The following CACYBP variants were observed in gnomAD, a reference collection of about 807,000 sequenced individuals.
The protein encoded by CACYBP is calcyclin-binding protein.
A neutral mutation model predicts 29.6 loss-of-function variants in CACYBP; 11 were observed. That is an observed-to-expected ratio of 0.37 (90% CI 0.23 to 0.61). The LOEUF (loss-of-function observed/expected upper bound fraction) is 0.61, where lower values mean the gene tolerates loss of function less well. Ranked by LOEUF, CACYBP falls within the 20% of genes least tolerant of loss-of-function variation. The pLI is 0.65. For missense variants in CACYBP, 163 were observed against 260.7 expected (o/e 0.63, Z 2.58); for synonymous variants, 73 against 88.3 (o/e 0.83, Z 0.97).
At position 175,010,362 on chromosome 1, in the gene CACYBP, A is replaced by G; in HGVS notation, c.*283A>G. The G allele has an allele frequency of 4.6e-6, 1 of 216,262 alleles. No individual in the cohort carries two copies. Among genetic ancestry groups the G allele is most frequent in the Non-Finnish European group, 9.0e-6 (1 of 110,550 alleles). The allele number at this position is 216,262 out of a possible 1,614,324, so 13.4% of individuals were successfully genotyped here. ...AAATATAAAAAGCAAGTCTTGCCCA[A>G]TAAAAACGCTACATTGTGTGTATTT... On this transcript the variant is annotated 3_prime_UTR_variant, in exon 6 of 6. Transcript: ENST00000367679.
At chr1:175,000,313 G>A (rs1038724538) in intron 1 of CACYBP, 118 bp downstream of exon 1, 10 of 1,496,940 alleles carry the variant, frequency 6.7e-6, no homozygotes, top group Middle Eastern at 1.7e-4. Context: ...TCCCGCGCCA[G>A]TCAGTGCGCC....
chr1:175,007,020 T>C (rs761697071), intron 3 of CACYBP, 78 bp from the exon 4 acceptor site: 142 of 1,078,404 alleles, frequency 1.3e-4, no homozygotes, highest in Non-Finnish European at 1.9e-4. Context: ...AGCCAGCAGC[T>C]TTTTTCCCAC....
intron 1 of CACYBP, among the ~76,000 whole-genome samples, chr1:175,003,636 AT>A (rs1461438920): frequency 6.6e-6 from 1 of 152,252 alleles, no homozygotes; most frequent in Admixed American, 6.5e-5. Flanking sequence ...AGCTTTTGAT[AT>A]CAAGCTGTGA....
At chr1:175,005,274 A>G (rs1361795765) in intron 2 of CACYBP, among the ~76,000 whole-genome samples, 1 of 152,218 alleles carries the variant, frequency 6.6e-6, no homozygotes, top group Non-Finnish European at 1.5e-5. Flanking sequence ...ACTAAGACCC[A>G]GTCCTTGCTC....
rs1183523069 is a variant in CACYBP at position 175,010,037 on chromosome 1, G to A, written c.645G>A (p.Val215=). 6 of 1,613,630 alleles carry A rather than the reference G, an allele frequency of 3.7e-6. No individual in the cohort carries two copies. The highest frequency in any genetic ancestry group is 1.7e-5 in the Admixed American group (1 of 59,974). Residue 215 remains valine, a synonymous_variant, in exon 6 of 6, where the codon GTG becomes GTA. Coordinates refer to ENST00000367679, the MANE Select transcript of CACYBP (RefSeq NM_014412.3). The part of the protein sequence containing the change: ...DMKRTINKAW[V]ESREKQAKGD... ...AGCGAACCATTAATAAAGCCTGGGT[G>A]GAATCAAGAGAGAAGCAAGCCAAAG...
At position 175,000,111 on chromosome 1, in the gene CACYBP, C is replaced by G; in HGVS notation, c.-70C>G. Reference sequence around the variant, plus strand: ...TAGGCGTCTGCGCTCGGTTTGAGGGCTCGGCGCGGGGTTTCCTGTTCCTCC... The same window carrying G: ...TAGGCGTCTGCGCTCGGTTTGAGGGGTCGGCGCGGGGTTTCCTGTTCCTCC... On this transcript the variant is annotated 5_prime_UTR_variant, in exon 1 of 6. Coordinates refer to ENST00000367679, the MANE Select transcript of CACYBP (RefSeq NM_014412.3). The G allele has an allele frequency of 6.4e-7, 1 of 1,559,470 alleles. No individual in the cohort carries two copies. The highest frequency in any genetic ancestry group is 1.2e-5 in the South Asian group (1 of 85,044).
At chr1:174,999,875 CCAGACTCGGCGGGGCGGGGA>C, upstream of CACYBP, 1 of 512,466 alleles carries the variant, frequency 2.0e-6, no homozygotes. Context: ...GCGGGCGGAG[CCAGACTCGGCGGGGCGGGGA>C]GGGGTGGGGC....
chr1:175,009,811 G>A, intron 5 of CACYBP, 112 bp from the exon 6 acceptor site: 1 of 725,330 alleles, frequency 1.4e-6, no homozygotes. Context: ...ATATCTTTGG[G>A]TACTCTGTCT....
At chr1:175,008,944 A>T in intron 5 of CACYBP, 1 of 398,020 alleles carries the variant, frequency 2.5e-6, no homozygotes, top group Non-Finnish European at 4.5e-6. Context: ...ATTCCCAGAT[A>T]CTCTGTTTCG....
chr1:175,000,144 C>G lies in CACYBP; in HGVS notation c.-37C>G, dbSNP rs1028390241. 2 of 1,596,694 alleles carry G rather than the reference C, an allele frequency of 1.3e-6. No individual in the cohort carries two copies. The highest frequency in any genetic ancestry group is 1.7e-6 in the Non-Finnish European group (2 of 1,171,490). On this transcript the variant is annotated 5_prime_UTR_variant, in exon 1 of 6. Transcript: ENST00000367679. ...GGGGTTTCCTGTTCCTCCTTCTGCG[C>G]GGCTGCAGCTCGGGACTTCGGCCTG... is the stretch of plus-strand genomic sequence containing the variant.
intron 1 of CACYBP, chr1:175,000,650 A>G: frequency 9.9e-7 from 1 of 1,010,270 alleles, no homozygotes; most frequent in Non-Finnish European, 1.2e-6. Context: ...TTTTCTCTAC[A>G]CACGAGGAGC....
At chr1:175,006,565 T>C (rs1241075258) in intron 2 of CACYBP, 180 bp from the exon 3 acceptor site, 4 of 503,720 alleles carry the variant, frequency 7.9e-6, no homozygotes, top group Non-Finnish European at 1.4e-5. Context: ...GGTAGAGTAC[T>C]TAACTGCTTT....
At chr1:174,999,747 T>TGGCCCAGCGC (rs1672411301), upstream of CACYBP, 1 of 269,238 alleles carries the variant, frequency 3.7e-6, no homozygotes, top group Admixed American at 5.8e-5. Flanking sequence ...CTGCGCAGCG[T>TGGCCCAGCGC]GGCCCAGCGC....
Position 175,004,628 on chromosome 1 carries a change from A to G in CACYBP, c.30A>G (p.Leu10=). The G allele has an allele frequency of 1.9e-6, 3 of 1,599,406 alleles. No homozygotes were observed. The highest frequency in any genetic ancestry group is 1.7e-6 in the Non-Finnish European group (2 of 1,174,334). The change falls in exon 2 of 6, where the codon CTA becomes CTG. Residue 10 remains leucine, a synonymous_variant. Coordinates refer to ENST00000367679, the MANE Select transcript of CACYBP (RefSeq NM_014412.3). The part of the protein sequence containing the change: MASEELQKD[L]EEVKVLLEKA... ...TCTTAACACAGCTACAGAAAGATCT[A>G]GAAGAGGTAAAGGTGTTGCTGGAAA...
chr1:175,001,373 T>C (rs1672485561), intron 1 of CACYBP, among the ~76,000 whole-genome samples: 1 of 152,246 alleles, frequency 6.6e-6, no homozygotes, highest in African/African-American at 2.4e-5. Flanking sequence ...ATTCAGGTAT[T>C]TGTTTTTTGT....
At chr1:175,007,309 G>A (rs1290830559) in intron 4 of CACYBP, 112 bp downstream of exon 4, 3 of 654,028 alleles carry the variant, frequency 4.6e-6, no homozygotes, top group South Asian at 3.8e-5. Flanking sequence ...AGGGACCACC[G>A]CCTGTTTTGT....
Position 175,011,101 on chromosome 1 carries a change from C to A in CACYBP, c.*1022C>A, listed in dbSNP as rs1672739473. The A allele has an allele frequency of 2.8e-5, 3 of 105,786 alleles. No individual in the cohort carries two copies. Among genetic ancestry groups the A allele is most frequent in the East Asian group, 2.8e-4 (1 of 3,522 alleles). The allele number at this position is 105,786 out of a possible 1,614,324, so 6.6% of individuals were successfully genotyped here. On this transcript the variant is annotated 3_prime_UTR_variant, in exon 6 of 6. Transcript: ENST00000367679. ...CTTGGGTAACAGATTGAGAACCTGT[C>A]TCATTAAAAAAAAAAAAAAAAAAAA...
At chr1:175,008,818 C>G (rs1672680017) in intron 5 of CACYBP, 112 bp downstream of exon 5, 1 of 668,330 alleles carries the variant, frequency 1.5e-6, no homozygotes. Context: ...GTCAAACTAC[C>G]TGAAGAGGGC....
At position 175,007,169 on chromosome 1, in the gene CACYBP, C is replaced by A. The variant is rs1049809882; in HGVS notation, c.404C>A (p.Pro135His). Residue 135 changes from proline (P) to histidine (H), a missense_variant, in exon 4 of 6, where the codon CCC (proline) becomes CAC (histidine). By Grantham distance (77) the Pro-to-His change is moderately conservative. Transcript: ENST00000367679. ...YSMIVNNLLK[P>H]ISVEGSSKKV... Reference sequence around the variant, plus strand: ...ATGATTGTGAACAATCTCTTGAAACCCATCTCTGTGGAAGGCAGTTCAAAA... The same window carrying A: ...ATGATTGTGAACAATCTCTTGAAACACATCTCTGTGGAAGGCAGTTCAAAA... The A allele has an allele frequency of 9.3e-6, 15 of 1,610,664 alleles. No homozygotes were observed. Among genetic ancestry groups the A allele is most frequent in the Non-Finnish European group, 1.2e-5 (14 of 1,177,596 alleles).
Sources: allele counts gnomAD v4.1 joint callset (sites outside exome capture counted in the v4.1 genomes callset), GRCh38; gene constraint gnomAD v4.1.1; transcripts MANE v1.5; gene names NCBI Gene and HGNC (gene_info 2026-07-23, HGNC 2026-07-21).